Variants in NRXN1 observed in about 807,000 individuals in gnomAD.
The protein encoded by NRXN1 is neurexin 1, also known as neurexin-1.
In NRXN1, 39 loss-of-function variants were observed where a neutral mutation model predicts 150.9. That is an observed-to-expected ratio of 0.26 (90% confidence interval 0.20 to 0.34). The LOEUF is 0.34. Ranked by LOEUF, NRXN1 falls within the 10% of genes least tolerant of loss-of-function variation. NRXN1 has a pLI of 1.00. For synonymous variants in NRXN1, 924 were observed against 757.0 expected, an observed-to-expected ratio of 1.22 and a Z score of -3.62; for missense variants, 1,815 against 1,949.9, an observed-to-expected ratio of 0.93 and a Z score of 1.30.
intron 21 of NRXN1, among the ~76,000 whole-genome samples, chr2:49,985,974 G>A (rs1439252312): frequency 1.3e-5 from 2 of 152,072 alleles, no homozygotes; most frequent in African/African-American, 2.4e-5. Context: ...CTTCATTTGT[G>A]GAATAATTAA....
At chr2:50,477,802 G>C (rs1199444961) in intron 15 of NRXN1, among the ~76,000 whole-genome samples, 1 of 152,156 alleles carries the variant, frequency 6.6e-6, no homozygotes, top group African/African-American at 2.4e-5. Context: ...AAAAAGTGAA[G>C]TCACACAAAT....
At chr2:50,033,578 A>C (rs1331922353) in intron 21 of NRXN1, among the ~76,000 whole-genome samples, 1 of 152,166 alleles carries the variant, frequency 6.6e-6, no homozygotes, top group African/African-American at 2.4e-5. Flanking sequence ...CAAAGATTTC[A>C]TGATAAAGAC....
At chr2:51,001,133 T>C (rs1699994567) in intron 2 of NRXN1, among the ~76,000 whole-genome samples, 1 of 149,630 alleles carries the variant, frequency 6.7e-6, no homozygotes, top group Non-Finnish European at 1.5e-5. Flanking sequence ...TCTTCAGGCC[T>C]GAATGGAATG....
At chr2:50,025,794 G>T (rs1035258081) in intron 21 of NRXN1, among the ~76,000 whole-genome samples, 1 of 152,174 alleles carries the variant, frequency 6.6e-6, no homozygotes, top group African/African-American at 2.4e-5. Flanking sequence ...TAAGTGGCTT[G>T]ATAAAGGTCT....
At chr2:50,931,345 GA>G (rs1687718827) in intron 2 of NRXN1, among the ~76,000 whole-genome samples, 1 of 151,724 alleles carries the variant, frequency 6.6e-6, no homozygotes, top group South Asian at 2.1e-4. Context: ...ATTTATCTAA[GA>G]AAAGGCAAAA....
intron 5 of NRXN1, among the ~76,000 whole-genome samples, chr2:50,836,102 A>G (rs1310213835): frequency 6.6e-6 from 1 of 152,198 alleles, no homozygotes; most frequent in Non-Finnish European, 1.5e-5. Flanking sequence ...TAGTTTTCGA[A>G]ATTCAAAAGA....
rs1553366024 is a variant in NRXN1, at chr2:49,920,973, A to AAGGT, written c.*970_*971insACCT. Reference sequence around the variant, plus strand: ...TACACTGTAATTTCTTTAAAAAATAAAAGTAATTGTGGCAATTTATAATGG... The same window carrying AAGGT: ...TACACTGTAATTTCTTTAAAAAATAAAGGTAAGTAATTGTGGCAATTTATAATGG... On this transcript the variant is annotated 3_prime_UTR_variant, in exon 23 of 23. Coordinates refer to ENST00000401669, the MANE Select transcript of NRXN1 (RefSeq NM_001330078.2). The AAGGT allele has an allele frequency of 1.3e-5, 2 of 151,686 alleles. No homozygotes were observed. Among genetic ancestry groups the AAGGT allele is most frequent in the African/African-American group, 4.9e-5 (2 of 41,132 alleles). The allele number at this position is 151,686 out of a possible 1,614,324, so 9.4% of individuals were successfully genotyped here.
intron 21 of NRXN1, among the ~76,000 whole-genome samples, chr2:50,035,325 C>G (rs1689858943): frequency 6.6e-6 from 1 of 152,004 alleles, no homozygotes; most frequent in Non-Finnish European, 1.5e-5. Context: ...TTTTCCTTCC[C>G]TTACAGAGTC....
chr2:50,298,523 A>G (rs1386922156), intron 17 of NRXN1, among the ~76,000 whole-genome samples: 1 of 67,102 alleles, frequency 1.5e-5, no homozygotes, highest in African/African-American at 6.3e-5. Flanking sequence ...CTGTAAATTT[A>G]CAGATTTTTT....
intron 17 of NRXN1, among the ~76,000 whole-genome samples, chr2:50,446,356 T>A (rs1236448596): frequency 6.7e-6 from 1 of 148,302 alleles, no homozygotes; most frequent in Non-Finnish European, 1.5e-5. Context: ...AGTCCCTTCC[T>A]CCCTCCCTCT....
At chr2:50,596,397 G>A (rs2103877067) in intron 8 of NRXN1, among the ~76,000 whole-genome samples, 1 of 152,272 alleles carries the variant, frequency 6.6e-6, no homozygotes, top group Middle Eastern at 3.4e-3. Context: ...CATCTTCTAT[G>A]TGGTTCTTTG....
chr2:50,472,893 A>T (rs2089655479), intron 15 of NRXN1, among the ~76,000 whole-genome samples: 2 of 151,574 alleles, frequency 1.3e-5, no homozygotes, highest in Non-Finnish European at 2.9e-5. Context: ...AACAATAAAA[A>T]CCTATGCCAG....
At chr2:50,299,718 T>C (rs1181709518) in intron 17 of NRXN1, among the ~76,000 whole-genome samples, 2 of 152,200 alleles carry the variant, frequency 1.3e-5, no homozygotes, top group African/African-American at 4.8e-5. Context: ...AATCTGTATA[T>C]CCACATAAAG....
intron 2 of NRXN1, among the ~76,000 whole-genome samples, chr2:50,930,041 C>T (rs1435675541): frequency 1.3e-5 from 2 of 151,990 alleles, no homozygotes; most frequent in Non-Finnish European, 2.9e-5. Flanking sequence ...AAGAAATGGT[C>T]CTGGACAGGA....
chr2:50,902,113 T>C (rs188016431), intron 5 of NRXN1, among the ~76,000 whole-genome samples: 62 of 152,246 alleles, frequency 4.1e-4, no homozygotes, highest in Non-Finnish European at 7.4e-5. Flanking sequence ...GTAACCTCAA[T>C]TGGCCATTGA....
chr2:50,184,762 T>G (rs1485907900), intron 18 of NRXN1, among the ~76,000 whole-genome samples: 1 of 151,862 alleles, frequency 6.6e-6, no homozygotes, highest in East Asian at 1.9e-4. Context: ...GCATTTACAA[T>G]ATACTTGATA....
At chr2:50,170,101 T>G (rs891914487) in intron 18 of NRXN1, among the ~76,000 whole-genome samples, 10 of 151,788 alleles carry the variant, frequency 6.6e-5, no homozygotes, top group Non-Finnish European at 1.5e-4. Context: ...TATATCTTTA[T>G]TATACATGTT....
chr2:50,301,814 G>T (rs499598), intron 17 of NRXN1, among the ~76,000 whole-genome samples: 117,149 of 152,094 alleles, frequency 0.77, 45,288 homozygotes, highest in East Asian at 0.87. Flanking sequence ...CTATTAGCAT[G>T]GTGCCTACTA....
At chr2:50,789,606 A>G (rs896657201) in intron 5 of NRXN1, among the ~76,000 whole-genome samples, 2 of 152,228 alleles carry the variant, frequency 1.3e-5, no homozygotes, top group African/African-American at 4.8e-5. Flanking sequence ...CAAACTGAAC[A>G]AACACGCATT....
Sources: allele counts gnomAD v4.1 joint callset (sites outside exome capture counted in the v4.1 genomes callset), GRCh38; gene constraint gnomAD v4.1.1; transcripts MANE v1.5; gene names NCBI Gene and HGNC (gene_info 2026-07-23, HGNC 2026-07-21).